The following FGF19 variants were observed in gnomAD, a reference collection of about 807,000 sequenced individuals.
FGF19 encodes fibroblast growth factor 19.
FGF19 carries 5 observed loss-of-function variants against 8.9 expected under a neutral mutation model. The ratio of observed to expected loss-of-function variants is 0.56; its 90% CI spans 0.29 to 1.18. FGF19 has a LOEUF of 1.18. Ranked by LOEUF, FGF19 falls within the 50% of genes most tolerant of loss-of-function variation. The pLI is 0.08. For synonymous variants in FGF19, 124 were observed against 128.0 expected, an observed-to-expected ratio of 0.97 and a Z score of 0.21; for missense variants, 237 against 293.9, an observed-to-expected ratio of 0.81 and a Z score of 1.42.
chr11:69,701,896 A>G (rs1263489773), intron 2 of FGF19, among the ~76,000 whole-genome samples: 3 of 141,454 alleles, frequency 2.1e-5, no homozygotes, highest in Non-Finnish European at 4.5e-5. Flanking sequence ...TGAACCTGGG[A>G]GGCACAGGTT....
chr11:69,702,704 G>C lies in FGF19; in HGVS notation c.336+557C>G, dbSNP rs763878008. On this transcript the variant is annotated intron_variant, in intron 2 of 2. Transcript: ENST00000294312. This position sits in a 1 kb window ranked among gnomAD's most constrained non-coding sequence, Gnocchi z 4.6. ...CGCAACATGACTCCAGCGCATCTGC[G>C]TCTAAGCCACACCGTGCTCCTGGTA... 6.6e-6 allele frequency among the ~76,000 whole-genome samples: 1 copy of C among 152,036 alleles called. No homozygotes were observed. The highest frequency in any genetic ancestry group is 1.5e-5 in the Non-Finnish European group (1 of 68,016).
rs1038918176 is a variant in FGF19 at position 69,702,684 on chromosome 11, C to G, written c.336+577G>C. Among the ~76,000 whole-genome samples, 10 of 152,138 alleles carry G rather than the reference C, an allele frequency of 6.6e-5. No homozygotes were observed. Among genetic ancestry groups the G allele is most frequent in the African/African-American group, 2.4e-4 (10 of 41,488 alleles). On this transcript the variant is annotated intron_variant, in intron 2 of 2. Coordinates refer to ENST00000294312, the MANE Select transcript of FGF19 (RefSeq NM_005117.3). The surrounding 1 kb of genome is among the most constrained non-coding windows in gnomAD (Gnocchi z 4.6). The stretch of plus-strand genomic sequence containing the variant: ...GAGGAAAAGCACTCCCCTGGCGCAA[C>G]ATGACTCCAGCGCATCTGCGTCTAA...
intron 2 of FGF19, among the ~76,000 whole-genome samples, 173 bp from the exon 3 acceptor site, chr11:69,699,749 T>C (rs1301955738): frequency 1.3e-5 from 2 of 152,182 alleles, no homozygotes; most frequent in Non-Finnish European, 2.9e-5. Context: ...CGTGTAAGTA[T>C]ATATAAAATA....
At chr11:69,701,674 C>T (rs1013921102) in intron 2 of FGF19, among the ~76,000 whole-genome samples, 1 of 146,858 alleles carries the variant, frequency 6.8e-6, no homozygotes, top group African/African-American at 2.5e-5. Flanking sequence ...TCAAGAGGCA[C>T]AAAGGGGGCT....
chr11:69,702,258 G>C lies in FGF19; in HGVS notation c.336+1003C>G, dbSNP rs1048727590. 2.6e-5 allele frequency among the ~76,000 whole-genome samples: 4 copies of C among 152,270 alleles called. No individual in the cohort carries two copies. Among genetic ancestry groups the C allele is most frequent in the Admixed American group, 6.5e-5 (1 of 15,300 alleles). Reference sequence around the variant, plus strand: ...CAGGCGCTCCGAGTACACGGAGCACGGCAGAGGCACCGAGCAATTTTGAGA... The same window carrying C: ...CAGGCGCTCCGAGTACACGGAGCACCGCAGAGGCACCGAGCAATTTTGAGA... On this transcript the variant is annotated intron_variant, in intron 2 of 2. Transcript: ENST00000294312. The surrounding 1 kb of genome is among the most constrained non-coding windows in gnomAD (Gnocchi z 4.6).
Position 69,703,604 on chromosome 11 carries a change from T to C in FGF19, c.232+41A>G. ...GTGGGGCGCGCGCAGCGGGGTGGGGTGCGCGCGGCGGGGCGGGCGGGGGTG... is the reference window on the plus strand; with the variant it reads ...GTGGGGCGCGCGCAGCGGGGTGGGGCGCGCGCGGCGGGGCGGGCGGGGGTG... On this transcript the variant is annotated intron_variant, in intron 1 of 2. Coordinates refer to ENST00000294312, the MANE Select transcript of FGF19 (RefSeq NM_005117.3). The surrounding 1 kb of genome is among the most constrained non-coding windows in gnomAD (Gnocchi z 6.8). The C allele has an allele frequency of 1.5e-6, 1 of 664,180 alleles. No homozygotes were observed. The highest frequency in any genetic ancestry group is 7.2e-5 in the South Asian group (1 of 13,962). 41.1% of individuals were successfully genotyped at this position (664,180 alleles called of 1,614,324 possible). A position where few individuals can be genotyped will look rare whatever the true frequency, so the allele number is the denominator to read the frequency against.
chr11:69,700,276 C>T lies in FGF19; in HGVS notation c.337-700G>A, dbSNP rs1160282207. ...ATCTTTATATAGATATACATGCACA[C>T]AGACAAAACTGAGGTTTATTATTTC... On this transcript the variant is annotated intron_variant, in intron 2 of 2. Transcript: ENST00000294312. Among the ~76,000 whole-genome samples, 4 of 151,912 alleles carry T rather than the reference C, an allele frequency of 2.6e-5. No individual in the cohort carries two copies. In the East Asian group the frequency reaches 5.8e-4, roughly 22 times the overall value.
In FGF19 at chr11:69,703,960, T is replaced by C. The variant is rs1231875318; in HGVS notation, c.-84A>G. 2.4e-6 allele frequency: 2 copies of C among 825,574 alleles called. No individual in the cohort carries two copies. Among genetic ancestry groups the C allele is most frequent in the African/African-American group, 1.8e-5 (1 of 56,384 alleles). The allele number at this position is 825,574 out of a possible 1,614,324, so 51.1% of individuals were successfully genotyped here. On this transcript the variant is annotated 5_prime_UTR_variant, in exon 1 of 3. Coordinates refer to ENST00000294312, the MANE Select transcript of FGF19 (RefSeq NM_005117.3). The surrounding 1 kb of genome is among the most constrained non-coding windows in gnomAD (Gnocchi z 6.8). ...GCGACCGGGATGCGCTGCGGGGCTG[T>C]GAGTGCCGGGTTGGGATGGTCGTGG...
intron 2 of FGF19, 32 bp from the exon 3 acceptor site, chr11:69,699,608 C>G (rs749893226): frequency 1.3e-6 from 2 of 1,546,928 alleles, no homozygotes; most frequent in South Asian, 2.5e-5. Context: ...CTGAGCAATC[C>G]ACAGTGGACA....
Position 69,699,205 on chromosome 11 carries a change from C to T in FGF19, c.*57G>A. 2.3e-6 allele frequency: 3 copies of T among 1,290,270 alleles called. No individual in the cohort carries two copies. Among genetic ancestry groups the T allele is most frequent in the Non-Finnish European group, 2.2e-6 (2 of 924,384 alleles). The allele number at this position is 1,290,270 out of a possible 1,614,324, so 79.9% of individuals were successfully genotyped here. ...ACTGTTCTTGTAGAAGCACGTCCCC[C>T]ACGCTGCAGGTACCACAGCCCCTGG... On this transcript the variant is annotated 3_prime_UTR_variant, in exon 3 of 3. Transcript: ENST00000294312.
intron 2 of FGF19, among the ~76,000 whole-genome samples, chr11:69,700,862 A>G (rs1036843352): frequency 2.6e-5 from 4 of 152,230 alleles, no homozygotes; most frequent in African/African-American, 9.6e-5. Context: ...CACGGGGTTG[A>G]GAGGTGCCAG....
chr11:69,701,397 C>T (rs1182902094), intron 2 of FGF19, among the ~76,000 whole-genome samples: 1 of 151,794 alleles, frequency 6.6e-6, no homozygotes. Context: ...GTCAGGAGTT[C>T]GAGACCAGCC....
At chr11:69,701,006 G>T (rs968873858) in intron 2 of FGF19, among the ~76,000 whole-genome samples, 2 of 152,340 alleles carry the variant, frequency 1.3e-5, no homozygotes, top group Middle Eastern at 6.8e-3. Context: ...AGTCTGCAAA[G>T]GTCACTGAAC....
At chr11:69,701,993 A>T (rs1854776949) in intron 2 of FGF19, among the ~76,000 whole-genome samples, 1 of 146,900 alleles carries the variant, frequency 6.8e-6, no homozygotes, top group Non-Finnish European at 1.5e-5. Context: ...AAAAAAAAAA[A>T]GGCACAGAGG....
Position 69,702,517 on chromosome 11 carries a change from C to G in FGF19, c.336+744G>C, listed in dbSNP as rs1854785713. The stretch of plus-strand genomic sequence containing the variant: ...GGCGCGGGTTCGTTCCTTTGAACTC[C>G]CAGCCTTTGTTCCCGGCCACCAGAG... On this transcript the variant is annotated intron_variant, in intron 2 of 2. Transcript: ENST00000294312. This position sits in a 1 kb window ranked among gnomAD's most constrained non-coding sequence, Gnocchi z 4.6. 6.6e-6 allele frequency among the ~76,000 whole-genome samples: 1 copy of G among 152,082 alleles called. No individual in the cohort carries two copies. The highest frequency in any genetic ancestry group is 2.4e-5 in the African/African-American group (1 of 41,422).
Position 69,703,969 on chromosome 11 carries a change from G to T in FGF19, c.-93C>A, listed in dbSNP as rs1234286227. 2.7e-6 allele frequency: 2 copies of T among 743,290 alleles called. No individual in the cohort carries two copies. The highest frequency in any genetic ancestry group is 5.8e-5 in the South Asian group (1 of 17,350). The allele number at this position is 743,290 out of a possible 1,614,324, so 46.0% of individuals were successfully genotyped here. A position where few individuals can be genotyped will look rare whatever the true frequency, so the allele number is the denominator to read the frequency against. ...ATGCGCTGCGGGGCTGTGAGTGCCG[G>T]GTTGGGATGGTCGTGGCCCTAGATC... On this transcript the variant is annotated 5_prime_UTR_variant, in exon 1 of 3. Transcript: ENST00000294312. The surrounding 1 kb of genome is among the most constrained non-coding windows in gnomAD (Gnocchi z 6.8).
chr11:69,703,421 G>T lies in FGF19; in HGVS notation c.233-57C>A. The stretch of plus-strand genomic sequence containing the variant: ...AGGACCGCTGGGCCCGCACCACGTG[G>T]GTGCGGTCGGTCCACAAGCCTGTGC... On this transcript the variant is annotated intron_variant, in intron 1 of 2. Coordinates refer to ENST00000294312, the MANE Select transcript of FGF19 (RefSeq NM_005117.3). The surrounding 1 kb of genome is among the most constrained non-coding windows in gnomAD (Gnocchi z 6.8). The T allele has an allele frequency of 7.3e-7, 1 of 1,362,382 alleles. No homozygotes were observed. The highest frequency in any genetic ancestry group is 1.0e-6 in the Non-Finnish European group (1 of 976,352). The allele number at this position is 1,362,382 out of a possible 1,614,324, so 84.4% of individuals were successfully genotyped here. A position where few individuals can be genotyped will look rare whatever the true frequency, so the allele number is the denominator to read the frequency against.
Position 69,699,377 on chromosome 11 carries a change from A to G in FGF19, c.536T>C (p.Leu179Pro), listed in dbSNP as rs2119905486. 2 of 1,614,180 alleles carry G rather than the reference A, an allele frequency of 1.2e-6. No individual in the cohort carries two copies. Among genetic ancestry groups the G allele is most frequent in the Non-Finnish European group, 1.7e-6 (2 of 1,180,028 alleles). The stretch of plus-strand genomic sequence containing the variant: ...CATGTCAGATTCCAAGTGGCCCCTG[A>G]GGTCCTCAGGCTCCTCTGGGACCAT... ...LPMVPEEPED[L>P]RGHLESDMFS... Residue 179 changes from leucine (L) to proline (P), a missense_variant, in exon 3 of 3, where the codon CTC (leucine) becomes CCC (proline). Leu to Pro is a moderately conservative substitution (Grantham distance 98). Transcript: ENST00000294312.
Position 69,703,937 on chromosome 11 carries a change from G to T in FGF19, c.-61C>A, listed in dbSNP as rs1222341753. On this transcript the variant is annotated 5_prime_UTR_variant, in exon 1 of 3. Coordinates refer to ENST00000294312, the MANE Select transcript of FGF19 (RefSeq NM_005117.3). The surrounding 1 kb of genome is among the most constrained non-coding windows in gnomAD (Gnocchi z 6.8). ...ATGGGGGTGCGGGAGGCTGGGCGGC[G>T]ACCGGGATGCGCTGCGGGGCTGTGA... 8.7e-6 allele frequency: 9 copies of T among 1,039,720 alleles called. No individual in the cohort carries two copies. In the South Asian group the frequency reaches 2.1e-4, roughly 24 times the overall value. 64.4% of individuals were successfully genotyped at this position (1,039,720 alleles called of 1,614,324 possible).
Sources: allele counts gnomAD v4.1 joint callset (sites outside exome capture counted in the v4.1 genomes callset), GRCh38; gene constraint gnomAD v4.1.1; non-coding constraint Gnocchi (gnomAD v3.1); transcripts MANE v1.5; gene names NCBI Gene and HGNC (gene_info 2026-07-23, HGNC 2026-07-21).